The following ATAD3C variants were observed in gnomAD, a reference collection of about 807,000 sequenced individuals.
ATAD3C encodes ATPase family AAA domain containing 3C.
A neutral mutation model predicts 46.3 loss-of-function variants in ATAD3C; 38 were observed. The observed-to-expected ratio is 0.82, with a 90% CI of 0.63 to 1.08. ATAD3C has a LOEUF of 1.08. Among genes scored for constraint, ATAD3C ranks in the 50% least tolerant of loss-of-function variants. ATAD3C has a pLI of 0.00. For synonymous variants in ATAD3C, 220 were observed against 236.4 expected, an observed-to-expected ratio of 0.93 and a Z score of 0.63; for missense variants, 563 against 572.7, an observed-to-expected ratio of 0.98 and a Z score of 0.17.
At chr1:1,453,417 G>T (rs1054203359) in intron 3 of ATAD3C, among the ~76,000 whole-genome samples, 2 of 151,956 alleles carry the variant, frequency 1.3e-5, no homozygotes, top group Non-Finnish European at 2.9e-5. Flanking sequence ...GGCCAGGATG[G>T]TCTCGAACTC....
rs535155753 is a variant in ATAD3C, at chr1:1,468,324, G to A, written c.1090-60G>A. The A allele has an allele frequency of 1.4e-5, 22 of 1,561,376 alleles. 1 individual carries two copies. The highest frequency in any genetic ancestry group is 1.9e-5 in the Non-Finnish European group (22 of 1,156,660). On this transcript the variant is annotated intron_variant, in intron 11 of 11. Transcript: ENST00000378785. ...TCCCTCCCCACCTCAGGGCCCTGGCGTGCATTTGGGGTGGGGGGTTCCCAT... is the reference window on the plus strand; with the variant it reads ...TCCCTCCCCACCTCAGGGCCCTGGCATGCATTTGGGGTGGGGGGTTCCCAT...
In ATAD3C at chr1:1,459,259, C is replaced by T. The variant is rs780699793; in HGVS notation, c.812+28C>T. On this transcript the variant is annotated intron_variant, in intron 9 of 11. Transcript: ENST00000378785. This position sits in a 1 kb window ranked among gnomAD's most constrained non-coding sequence, Gnocchi z 4.9. ...GAGGGAGCCCCTCGGGTCCTGGGCC[C>T]CCGGGCAGGGCTGTGCAGCCGTCAC... The T allele has an allele frequency of 5.6e-6, 9 of 1,610,622 alleles. No homozygotes were observed. The highest frequency in any genetic ancestry group is 1.7e-5 in the Admixed American group (1 of 59,804).
Position 1,462,525 on chromosome 1 carries a change from G to A in ATAD3C, c.981-75G>A. ...ATCTGGCATGGGTGTCCGCCTGGCTGCCTGTCTTCCGGCCTCCACCTCGTG... is the reference window on the plus strand; with the variant it reads ...ATCTGGCATGGGTGTCCGCCTGGCTACCTGTCTTCCGGCCTCCACCTCGTG... On this transcript the variant is annotated intron_variant, in intron 10 of 11. Transcript: ENST00000378785. This position sits in a 1 kb window ranked among gnomAD's most constrained non-coding sequence, Gnocchi z 4.5. 2 of 1,418,186 alleles carry A rather than the reference G, an allele frequency of 1.4e-6. No homozygotes were observed. The highest frequency in any genetic ancestry group is 2.0e-5 in the Admixed American group (1 of 50,490). 87.9% of individuals were successfully genotyped at this position (1,418,186 alleles called of 1,614,324 possible). A position where few individuals can be genotyped will look rare whatever the true frequency, so the allele number is the denominator to read the frequency against.
At position 1,455,987 on chromosome 1, in the gene ATAD3C, G is replaced by C. The variant is rs1441403061; in HGVS notation, c.564+71G>C. 61 of 1,600,306 alleles carry C rather than the reference G, an allele frequency of 3.8e-5. 1 individual carries two copies. The South Asian group carries it at 4.7e-4, about 12-fold the overall frequency. ...TCACCTGCCTGCAGGTGTCTGGGGG[G>C]CTCAGCTGCCTGGGGAATGGACCCC... is the stretch of plus-strand genomic sequence containing the variant. On this transcript the variant is annotated intron_variant, in intron 6 of 11. Transcript: ENST00000378785.
rs577141790 is a variant in ATAD3C, at chr1:1,461,936, G to A, written c.981-664G>A. On this transcript the variant is annotated intron_variant, in intron 10 of 11. Coordinates refer to ENST00000378785, the MANE Select transcript of ATAD3C (RefSeq NM_001039211.3). Reference sequence around the variant, plus strand: ...TGCTGGCGGTGGGTGCAGCAGGCACGGTGGGCAGAGCCCTCCAGGTGATGA... The same window carrying A: ...TGCTGGCGGTGGGTGCAGCAGGCACAGTGGGCAGAGCCCTCCAGGTGATGA... Among the ~76,000 whole-genome samples, 452 of 152,166 alleles carry A rather than the reference G, an allele frequency of 3.0e-3. 6 individuals carry two copies. Among genetic ancestry groups the A allele is most frequent in the African/African-American group, 0.01 (427 of 41,544 alleles).
At chr1:1,466,969 C>A (rs1170459963) in intron 11 of ATAD3C, among the ~76,000 whole-genome samples, 3 of 152,034 alleles carry the variant, frequency 2.0e-5, no homozygotes, top group African/African-American at 4.8e-5. Context: ...CATGTGAAGA[C>A]ATCAGGTCCA....
At position 1,455,472 on chromosome 1, in the gene ATAD3C, C is replaced by A. The variant is rs200476672; in HGVS notation, c.391C>A (p.Arg131=). 1.1e-5 allele frequency: 17 copies of A among 1,612,318 alleles called. No individual in the cohort carries two copies. The highest frequency in any genetic ancestry group is 1.8e-4 in the Middle Eastern group (1 of 5,688). Residue 131 remains arginine (R), a synonymous_variant, in exon 5 of 12, where the codon CGG becomes AGG. Transcript: ENST00000378785. ...LRHPIQQVSR[R]LLSRPQDVLE... The stretch of plus-strand genomic sequence containing the variant: ...CCTTCCCCTCCAGCAGGTCAGCCGG[C>A]GGCTCCTCAGTCGACCCCAGGACGT...
chr1:1,452,158 G>T, intron 2 of ATAD3C, 36 bp downstream of exon 2: 1 of 1,609,742 alleles, frequency 6.2e-7, no homozygotes, highest in Non-Finnish European at 8.5e-7. Context: ...GCCGCAGATG[G>T]AGCCCCCACA....
At chr1:1,457,454 T>G (rs373613272) in intron 8 of ATAD3C, among the ~76,000 whole-genome samples, 159 of 151,112 alleles carry the variant, frequency 1.1e-3, no homozygotes, top group African/African-American at 3.2e-3. Context: ...AAATTAGCTG[T>G]GCGTGGTGGC....
intron 8 of ATAD3C, among the ~76,000 whole-genome samples, chr1:1,458,903 TAG>T (rs1639010875): frequency 6.6e-6 from 1 of 151,770 alleles, no homozygotes; most frequent in African/African-American, 2.4e-5. Flanking sequence ...GTATTTTTAG[TAG>T]AGACGGGGTC....
intron 10 of ATAD3C, 123 bp downstream of exon 10, chr1:1,461,040 C>CG: frequency 7.9e-7 from 1 of 1,268,630 alleles, no homozygotes; most frequent in Non-Finnish European, 1.0e-6. Flanking sequence ...CCCTGCCCTG[C>CG]GGTTTCGTGC....
intron 10 of ATAD3C, among the ~76,000 whole-genome samples, chr1:1,461,720 T>TCGGAATTCGA (rs1639070636): frequency 6.8e-6 from 1 of 148,052 alleles, no homozygotes; most frequent in African/African-American, 2.5e-5. Context: ...GACCCCCATG[T>TCGGAATTCGA]AGGGATTGGA....
At position 1,454,502 on chromosome 1, in the gene ATAD3C, T is replaced by G; in HGVS notation, c.378+2T>G. ...GAGGCGCTGCGGCACCCCATCCAGG[T>G]AGCGGCGCAGGCCTGGCCCTCCCTG... is the stretch of plus-strand genomic sequence containing the variant. On this transcript the variant is annotated splice_donor_variant, in intron 4 of 11. Transcript: ENST00000378785. LOFTEE classifies it high-confidence loss of function. The G allele has an allele frequency of 6.2e-7, 1 of 1,606,984 alleles. No individual in the cohort carries two copies. The highest frequency in any genetic ancestry group is 8.5e-7 in the Non-Finnish European group (1 of 1,178,582).
intron 7 of ATAD3C, among the ~76,000 whole-genome samples, chr1:1,456,730 CA>C (rs1638966339): frequency 6.6e-6 from 1 of 150,746 alleles, no homozygotes; most frequent in East Asian, 2.0e-4. Context: ...TAGCTGAAGA[CA>C]GCATGGCACA....
rs538836491 is a variant in ATAD3C at position 1,450,322 on chromosome 1, CAAAA to C, written c.-346_-343del. The C allele has an allele frequency of 6.6e-3, 720 of 109,218 alleles. No homozygotes were observed. The highest frequency in any genetic ancestry group is 0.028 in the East Asian group (137 of 4,860). The allele number at this position is 109,218 out of a possible 1,614,324, so 6.8% of individuals were successfully genotyped here. On this transcript the variant is annotated 5_prime_UTR_variant, in exon 1 of 12. An upstream open reading frame in the 5' UTR loses its in-frame stop. Coordinates refer to ENST00000378785, the MANE Select transcript of ATAD3C (RefSeq NM_001039211.3). Reference sequence around the variant, plus strand: ...CCTGGGCCAGAATGAGACTCCGTCTCAAAAAAAAAAAAAAAAAAAGCATGTGTAA... The same window carrying C: ...CCTGGGCCAGAATGAGACTCCGTCTCAAAAAAAAAAAAAAAGCATGTGTAA...
At chr1:1,468,106 T>G (rs77857926) in intron 11 of ATAD3C, among the ~76,000 whole-genome samples, 1 of 152,032 alleles carries the variant, frequency 6.6e-6, no homozygotes, top group Non-Finnish European at 1.5e-5. Flanking sequence ...GAAGCTGCCC[T>G]GGGTCGGCCG....
At chr1:1,455,360 G>C (rs1370595875) in intron 4 of ATAD3C, 100 bp from the exon 5 acceptor site, 1 of 1,507,380 alleles carries the variant, frequency 6.6e-7, no homozygotes, top group African/African-American at 1.4e-5. Flanking sequence ...CTGTGATTCG[G>C]GGCAGCTCCG....
rs572088968 is a variant in ATAD3C, at chr1:1,458,459, T to A, written c.742-702T>A. Among the ~76,000 whole-genome samples the A allele has an allele frequency of 3.3e-5, 5 of 151,584 alleles. No individual in the cohort carries two copies. The South Asian group carries it at 1.0e-3, about 32-fold the overall frequency. ...CCAGCTCATTTTGTCTTTTTTTTTT[T>A]ACTAGAGACTGGGTTTCTCCATGCC... On this transcript the variant is annotated intron_variant, in intron 8 of 11. Coordinates refer to ENST00000378785, the MANE Select transcript of ATAD3C (RefSeq NM_001039211.3).
chr1:1,455,355 A>C (rs928973036), intron 4 of ATAD3C, 105 bp from the exon 5 acceptor site: 21 of 1,492,324 alleles, frequency 1.4e-5, no homozygotes, highest in South Asian at 2.5e-5. Flanking sequence ...CCTGGCTGTG[A>C]TTCGGGGCAG....
Sources: gnomAD v4.1 joint callset for allele counts (sites outside exome capture counted in the v4.1 genomes callset) on GRCh38, gnomAD v4.1.1 for gene constraint, Gnocchi (gnomAD v3.1) non-coding constraint, MANE v1.5 for transcripts, NCBI Gene and HGNC (gene_info 2026-07-23, HGNC 2026-07-21) for gene names.